The following CCDC73 variants were observed in gnomAD, a reference collection of about 807,000 sequenced individuals.
CCDC73 encodes coiled-coil domain containing 73, also known as coiled-coil domain-containing protein 73.
CCDC73 carries 95 observed loss-of-function variants against 116.5 expected under a neutral mutation model. The ratio of observed to expected loss-of-function variants is 0.82; its 90% CI spans 0.69 to 0.97. The LOEUF (loss-of-function observed/expected upper bound fraction) is 0.97. Among genes scored for constraint, CCDC73 ranks in the 50% least tolerant of loss-of-function variants. The probability of loss-of-function intolerance (pLI) is 0.00; values close to 1 mark genes in which losing one functional copy is unlikely to be tolerated. For synonymous variants in CCDC73, 398 were observed against 401.3 expected, an observed-to-expected ratio of 0.99 and a Z score of 0.10; for missense variants, 1,066 against 1,206.8, an observed-to-expected ratio of 0.88 and a Z score of 1.73.
chr11:32,612,656 C>T (rs1013807203), intron 16 of CCDC73, among the ~76,000 whole-genome samples: 23 of 151,826 alleles, frequency 1.5e-4, no homozygotes, highest in African/African-American at 5.6e-4. Context: ...AGGATTCCTT[C>T]AGCCTGGGAG....
chr11:32,745,549 G>T (rs1188378329), intron 2 of CCDC73, among the ~76,000 whole-genome samples: 1 of 152,042 alleles, frequency 6.6e-6, no homozygotes, highest in Non-Finnish European at 1.5e-5. Flanking sequence ...CTCTTTGTAG[G>T]TCTCTAAGAA....
chr11:32,814,579 G>A, the CCDC73 span, among the ~76,000 whole-genome samples: 1 of 152,174 alleles, frequency 6.6e-6, no homozygotes, highest in Non-Finnish European at 1.5e-5. Context: ...TTGCTAATGG[G>A]AATGTAAAAT....
chr11:32,829,304 A>G, the CCDC73 span, among the ~76,000 whole-genome samples: 30 of 152,238 alleles, frequency 2.0e-4, no homozygotes, highest in Non-Finnish European at 2.2e-4. Context: ...TACACTTCAA[A>G]TAGCCCCTGG....
chr11:32,641,006 ACT>A (rs1855727977), intron 13 of CCDC73, among the ~76,000 whole-genome samples: 1 of 141,238 alleles, frequency 7.1e-6, no homozygotes, highest in African/African-American at 2.7e-5. Flanking sequence ...ACAGAGTGAG[ACT>A]CTGTCCCCCA....
intron 1 of CCDC73, among the ~76,000 whole-genome samples, chr11:32,773,900 T>C (rs537901065): frequency 1.3e-5 from 2 of 152,280 alleles, no homozygotes; most frequent in Admixed American, 1.3e-4. Flanking sequence ...AATGTCAATA[T>C]GTAGACATGT....
At chr11:32,690,534 G>C (rs1040708508) in intron 6 of CCDC73, among the ~76,000 whole-genome samples, 8 of 152,132 alleles carry the variant, frequency 5.3e-5, no homozygotes, top group Non-Finnish European at 1.0e-4. Flanking sequence ...TGGATAATGG[G>C]GGCAGTTTCT....
intron 2 of CCDC73, among the ~76,000 whole-genome samples, chr11:32,735,098 G>A (rs1307322438): frequency 6.6e-6 from 1 of 152,162 alleles, no homozygotes; most frequent in Non-Finnish European, 1.5e-5. Context: ...CATTCCCTTT[G>A]ACAACTGGCA....
chr11:32,754,280 A>C (rs1195488332), intron 2 of CCDC73, among the ~76,000 whole-genome samples: 2 of 152,190 alleles, frequency 1.3e-5, no homozygotes, highest in African/African-American at 4.8e-5. Flanking sequence ...GAAATTAAAA[A>C]CTCTAAGCAA....
intron 1 of CCDC73, among the ~76,000 whole-genome samples, chr11:32,767,003 G>T (rs995772744): frequency 3.3e-5 from 5 of 152,124 alleles, no homozygotes; most frequent in Admixed American, 6.6e-5. Flanking sequence ...AGAAGAGCTC[G>T]CATTGCCAAG....
At chr11:32,732,111 T>C (rs1460442669) in intron 2 of CCDC73, among the ~76,000 whole-genome samples, 1 of 152,048 alleles carries the variant, frequency 6.6e-6, no homozygotes, top group Non-Finnish European at 1.5e-5. Flanking sequence ...ACAAGAACTA[T>C]GTGAAAAATG....
At chr11:32,642,826 T>C (rs1333791669) in intron 12 of CCDC73, among the ~76,000 whole-genome samples, 1 of 151,854 alleles carries the variant, frequency 6.6e-6, no homozygotes. Context: ...TACAAAGCTA[T>C]GCACATTCAG....
intron 1 of CCDC73, among the ~76,000 whole-genome samples, chr11:32,763,584 A>G (rs1438577786): frequency 6.6e-6 from 1 of 152,232 alleles, no homozygotes; most frequent in Non-Finnish European, 1.5e-5. Flanking sequence ...TAACAAACAG[A>G]AAGGACATCC....
At chr11:32,658,415 G>A (rs191785639) in intron 9 of CCDC73, among the ~76,000 whole-genome samples, 144 of 152,252 alleles carry the variant, frequency 9.5e-4, no homozygotes, top group African/African-American at 3.4e-3. Flanking sequence ...TTATGCTAAT[G>A]GCAACAAAGA....
chr11:32,612,767 CA>C (rs1159165643), intron 16 of CCDC73, among the ~76,000 whole-genome samples: 1 of 151,802 alleles, frequency 6.6e-6, no homozygotes, highest in Non-Finnish European at 1.5e-5. Context: ...AAGCAAAAAA[CA>C]AAACAAAAAC....
chr11:32,680,370 G>T (rs926614175), intron 7 of CCDC73: 1 of 151,952 alleles, frequency 6.6e-6, no homozygotes, highest in Admixed American at 6.6e-5. Flanking sequence ...TGCATGAATC[G>T]ACTCAAATTA....
intron 2 of CCDC73, among the ~76,000 whole-genome samples, chr11:32,732,014 C>A (rs537692356): frequency 1.3e-5 from 2 of 152,226 alleles, no homozygotes; most frequent in Middle Eastern, 3.4e-3. Context: ...AAGCTAAAAA[C>A]CTTGAAAAAA....
chr11:32,777,090 T>C (rs1850543843), intron 1 of CCDC73, among the ~76,000 whole-genome samples: 1 of 144,150 alleles, frequency 6.9e-6, no homozygotes, highest in South Asian at 2.2e-4. Context: ...TGTAATCTTT[T>C]TTTTCTTTCT....
At chr11:32,678,681 C>A (rs551799600) in intron 7 of CCDC73, among the ~76,000 whole-genome samples, 139 of 151,986 alleles carry the variant, frequency 9.1e-4, no homozygotes, top group Admixed American at 1.6e-3. Flanking sequence ...GTCAGGAGTT[C>A]GAGACCAGCC....
the CCDC73 span, among the ~76,000 whole-genome samples, chr11:32,814,877 A>C: frequency 3.3e-5 from 5 of 152,230 alleles, no homozygotes; most frequent in Admixed American, 3.3e-4. Context: ...TGCATGCTAC[A>C]GTGTGGATGA....
Sources: gnomAD v4.1 joint callset for allele counts (sites outside exome capture counted in the v4.1 genomes callset) on GRCh38, gnomAD v4.1.1 for gene constraint, MANE v1.5 for transcripts, NCBI Gene and HGNC (gene_info 2026-07-23, HGNC 2026-07-21) for gene names.